Variants in XKR6 observed in about 807,000 individuals in gnomAD.
XKR6 encodes XK related 6, also known as XK-related protein 6.
A neutral mutation model predicts 56.7 loss-of-function variants in XKR6; 22 were observed. That is an observed-to-expected ratio of 0.39 (90% CI 0.28 to 0.55). The LOEUF (loss-of-function observed/expected upper bound fraction) is 0.55, where lower values mean the gene tolerates loss of function less well. Ranked by LOEUF, XKR6 falls within the 20% of genes least tolerant of loss-of-function variation. The probability of loss-of-function intolerance (pLI) is 0.66; values close to 1 mark genes in which losing one functional copy is unlikely to be tolerated. For synonymous variants in XKR6, 524 were observed against 387.8 expected (o/e 1.35, Z -4.13); for missense variants, 852 against 889.0 (o/e 0.96, Z 0.53).
chr8:10,935,177 T>C (rs1388086944), intron 1 of XKR6, among the ~76,000 whole-genome samples: 1 of 90,118 alleles, frequency 1.1e-5, no homozygotes, highest in East Asian at 2.0e-4. Flanking sequence ...ATTTTCTAGT[T>C]TATTTGCGTA....
chr8:11,086,049 G>A (rs1167314214), intron 1 of XKR6, among the ~76,000 whole-genome samples: 3 of 151,580 alleles, frequency 2.0e-5, no homozygotes, highest in Non-Finnish European at 4.4e-5. Context: ...GTGCCCCGGA[G>A]GACACTCTCA....
intron 1 of XKR6, among the ~76,000 whole-genome samples, chr8:11,145,869 A>C (rs1036105131): frequency 6.6e-6 from 1 of 152,234 alleles, no homozygotes; most frequent in African/African-American, 2.4e-5. Flanking sequence ...ATAAAAATGC[A>C]AACGACCCAC....
At chr8:11,020,930 A>G (rs1798735898) in intron 1 of XKR6, among the ~76,000 whole-genome samples, 1 of 152,224 alleles carries the variant, frequency 6.6e-6, no homozygotes, top group Non-Finnish European at 1.5e-5. Flanking sequence ...ATTGCTTAGC[A>G]TAGTGGCTGG....
At chr8:11,078,160 T>C (rs1204452185) in intron 1 of XKR6, among the ~76,000 whole-genome samples, 1 of 152,156 alleles carries the variant, frequency 6.6e-6, no homozygotes, top group Non-Finnish European at 1.5e-5. Context: ...AAGACAGACC[T>C]ATTTTTAAAA....
At chr8:11,198,148 T>G (rs138775096) in intron 1 of XKR6, among the ~76,000 whole-genome samples, 1 of 152,228 alleles carries the variant, frequency 6.6e-6, no homozygotes, top group African/African-American at 2.4e-5. Context: ...TTCAAACACA[T>G]TGACAAGCAA....
chr8:11,037,329 C>A (rs575930432), intron 1 of XKR6, among the ~76,000 whole-genome samples: 2 of 152,154 alleles, frequency 1.3e-5, no homozygotes, highest in Admixed American at 6.5e-5. Flanking sequence ...GGGCTCAAGC[C>A]GTCCTCCTGC....
At chr8:11,199,024 T>G (rs1804049766) in intron 1 of XKR6, among the ~76,000 whole-genome samples, 1 of 152,234 alleles carries the variant, frequency 6.6e-6, no homozygotes, top group Non-Finnish European at 1.5e-5. Context: ...AAAACGTATT[T>G]CAGAATTTTA....
intron 1 of XKR6, among the ~76,000 whole-genome samples, chr8:11,083,476 G>A (rs564018920): frequency 2.0e-5 from 3 of 152,158 alleles, no homozygotes; most frequent in Admixed American, 6.5e-5. Flanking sequence ...GCATCCTCAT[G>A]TGGGACCGGA....
At chr8:11,138,949 A>G (rs1458771041) in intron 1 of XKR6, among the ~76,000 whole-genome samples, 2 of 152,036 alleles carry the variant, frequency 1.3e-5, no homozygotes, top group Non-Finnish European at 2.9e-5. Context: ...TGACCTCAAG[A>G]TGAAATTTTC....
chr8:10,958,049 T>C (rs1037294908), intron 1 of XKR6, among the ~76,000 whole-genome samples: 8 of 152,244 alleles, frequency 5.3e-5, no homozygotes, highest in Non-Finnish European at 1.2e-4. Flanking sequence ...TACTTTAGTG[T>C]TGTGTGATCT....
intron 1 of XKR6, among the ~76,000 whole-genome samples, chr8:11,176,302 T>C (rs1802651347): frequency 6.6e-6 from 1 of 152,202 alleles, no homozygotes; most frequent in African/African-American, 2.4e-5. Flanking sequence ...TTACTCTTAT[T>C]TCCAATTTAT....
chr8:11,032,770 C>T (rs1249002941), intron 1 of XKR6, among the ~76,000 whole-genome samples: 2 of 152,162 alleles, frequency 1.3e-5, no homozygotes, highest in African/African-American at 4.8e-5. Context: ...GCCCTGCCTC[C>T]TGCCCTCTCA....
intron 1 of XKR6, among the ~76,000 whole-genome samples, chr8:11,177,265 C>G (rs1487545257): frequency 6.6e-6 from 1 of 152,162 alleles, no homozygotes; most frequent in Non-Finnish European, 1.5e-5. Context: ...GTAGATTTGC[C>G]AACATTATGA....
In XKR6 at chr8:10,896,094, T is replaced by C. The variant is rs931624969; in HGVS notation, c.*1858A>G. Reference sequence around the variant, plus strand: ...AATATTGTGTGTGTTTATATATATATATATATATATACTTATTATATATCT... The same window carrying C: ...AATATTGTGTGTGTTTATATATATACATATATATATACTTATTATATATCT... On this transcript the variant is annotated 3_prime_UTR_variant, in exon 3 of 3. Coordinates refer to ENST00000416569, the MANE Select transcript of XKR6 (RefSeq NM_173683.4). The C allele has an allele frequency of 6.8e-6, 1 of 147,680 alleles. No homozygotes were observed. The highest frequency in any genetic ancestry group is 2.5e-5 in the African/African-American group (1 of 40,742). 9.1% of individuals were successfully genotyped at this position (147,680 alleles called of 1,614,324 possible). A position where few individuals can be genotyped will look rare whatever the true frequency, so the allele number is the denominator to read the frequency against.
rs1031713428 is a variant in XKR6, at chr8:10,897,665, A to G, written c.*287T>C. ...ATGAACCATAGCGTGGGATTTTTCA[A>G]TACTGTTTCTTATGTGTAAAAAACA... On this transcript the variant is annotated 3_prime_UTR_variant, in exon 3 of 3. Transcript: ENST00000416569. The G allele has an allele frequency of 1.6e-5, 5 of 305,164 alleles. No individual in the cohort carries two copies. The highest frequency in any genetic ancestry group is 4.5e-5 in the Admixed American group (1 of 22,080). 18.9% of individuals were successfully genotyped at this position (305,164 alleles called of 1,614,324 possible).
intron 1 of XKR6, among the ~76,000 whole-genome samples, chr8:11,090,450 A>T (rs1288714604): frequency 2.0e-5 from 3 of 151,916 alleles, no homozygotes; most frequent in Non-Finnish European, 4.4e-5. Flanking sequence ...ACTAAAAGCA[A>T]TGTTGGAAAG....
chr8:10,971,192 T>C (rs771322561), intron 1 of XKR6, among the ~76,000 whole-genome samples: 3 of 151,618 alleles, frequency 2.0e-5, no homozygotes, highest in Admixed American at 6.6e-5. Flanking sequence ...GAGGCCGAGG[T>C]GGGCGGATCA....
chr8:11,137,755 T>A (rs1249259652), intron 1 of XKR6: 1 of 453,956 alleles, frequency 2.2e-6, no homozygotes, highest in South Asian at 1.6e-5. Context: ...AATCGAATCC[T>A]GCTCCGGTCC....
chr8:10,996,636 C>A (rs754429122), intron 1 of XKR6, among the ~76,000 whole-genome samples: 21 of 152,032 alleles, frequency 1.4e-4, no homozygotes, highest in Non-Finnish European at 2.2e-4. Flanking sequence ...ATGTGAGGGG[C>A]AGGGGTAAGG....
Sources: allele counts gnomAD v4.1 joint callset (sites outside exome capture counted in the v4.1 genomes callset), GRCh38; gene constraint gnomAD v4.1.1; transcripts MANE v1.5; gene names NCBI Gene and HGNC (gene_info 2026-07-23, HGNC 2026-07-21).